CD109: variants seen among roughly 807,000 people sequenced by gnomAD.
CD109 encodes CD109 molecule.
A neutral mutation model predicts 165.8 loss-of-function variants in CD109; 149 were observed. The observed-to-expected ratio is 0.90, with a 90% CI of 0.79 to 1.03. The LOEUF (loss-of-function observed/expected upper bound fraction) is 1.03. Among genes scored for constraint, CD109 ranks in the 50% least tolerant of loss-of-function variants. CD109 has a pLI of 0.00. For synonymous variants in CD109, 585 were observed against 592.1 expected (o/e 0.99, Z 0.18); for missense variants, 1,712 against 1,677.8 (o/e 1.02, Z -0.36).
chr6:73,823,312 A>T, intron 32 of CD109, 146 bp from the exon 33 acceptor site: 4 of 639,670 alleles, frequency 6.3e-6, no homozygotes, highest in Non-Finnish European at 1.1e-5. Context: ...ACTCTTGGAC[A>T]TTTCAGTTGT....
chr6:73,781,457 G>GGAGA, intron 17 of CD109, 138 bp downstream of exon 17: 1 of 699,070 alleles, frequency 1.4e-6, no homozygotes, highest in Non-Finnish European at 2.4e-6. Flanking sequence ...AAAATGTTTG[G>GGAGA]AGTTTAATGT....
At chr6:73,766,694 G>C in intron 11 of CD109, 65 bp from the exon 12 acceptor site, 1 of 1,150,982 alleles carries the variant, frequency 8.7e-7, no homozygotes, top group Non-Finnish European at 1.3e-6. Context: ...TGTTCAGCAG[G>C]TAACATCTTT....
chr6:73,782,214 A>C (rs1296618051), intron 17 of CD109, among the ~76,000 whole-genome samples: 1 of 152,210 alleles, frequency 6.6e-6, no homozygotes. Flanking sequence ...ATAATTTTAT[A>C]GTCTTGAAGA....
chr6:73,820,444 C>T lies in CD109; in HGVS notation c.4060-17C>T, dbSNP rs947411759. The T allele has an allele frequency of 6.8e-7, 1 of 1,466,858 alleles. No individual in the cohort carries two copies. The highest frequency in any genetic ancestry group is 1.4e-5 in the African/African-American group (1 of 71,472). The allele number at this position is 1,466,858 out of a possible 1,614,324, so 90.9% of individuals were successfully genotyped here. On this transcript the variant is annotated splice_polypyrimidine_tract_variant and intron_variant, in intron 31 of 32. Transcript: ENST00000287097. Reference sequence around the variant, plus strand: ...CACAGTGTGCCAACCCCTTAAGACTCTTTTGTATTTCTCAAGGTAAATGAA... The same window carrying T: ...CACAGTGTGCCAACCCCTTAAGACTTTTTTGTATTTCTCAAGGTAAATGAA...
chr6:73,803,656 G>A (rs1046763122), intron 24 of CD109, among the ~76,000 whole-genome samples: 2 of 148,554 alleles, frequency 1.3e-5, no homozygotes, highest in Non-Finnish European at 3.0e-5. Context: ...ACTAATACAA[G>A]TGTTGTGTTA....
At chr6:73,713,687 A>G (rs918146832) in intron 2 of CD109, among the ~76,000 whole-genome samples, 2 of 152,162 alleles carry the variant, frequency 1.3e-5, no homozygotes, top group African/African-American at 4.8e-5. Context: ...AGAATTCCTC[A>G]AAGATTTGAC....
intron 30 of CD109, among the ~76,000 whole-genome samples, chr6:73,817,253 G>A (rs764785123): frequency 1.3e-5 from 2 of 152,070 alleles, no homozygotes; most frequent in African/African-American, 4.8e-5. Context: ...GATCAACCAA[G>A]GTACTTTTAA....
chr6:73,789,188 A>AG (rs1029056485), intron 22 of CD109, among the ~76,000 whole-genome samples: 2 of 152,330 alleles, frequency 1.3e-5, no homozygotes, highest in African/African-American at 4.8e-5. Flanking sequence ...ACTCCTCCCT[A>AG]GGGCAGTTCT....
At chr6:73,735,014 A>G (rs1772492419) in intron 4 of CD109, among the ~76,000 whole-genome samples, 1 of 152,220 alleles carries the variant, frequency 6.6e-6, no homozygotes, top group Non-Finnish European at 1.5e-5. Flanking sequence ...ATAGGAGGCA[A>G]GAAACTGAAA....
intron 22 of CD109, among the ~76,000 whole-genome samples, chr6:73,789,717 C>T (rs1314962767): frequency 2.3e-4 from 35 of 151,476 alleles, no homozygotes; most frequent in Non-Finnish European, 2.4e-4. Flanking sequence ...GCCTCGGCCT[C>T]CCAAAGTGCT....
In CD109 at chr6:73,745,089, C is replaced by T. The variant is rs547842690; in HGVS notation, c.633+8581C>T. On this transcript the variant is annotated intron_variant, in intron 5 of 32. Transcript: ENST00000287097. ...AAATTAAATTATTTAATATGTGCAG[C>T]AATTGCTGTTTTATTTATTTATTTA... Among the ~76,000 whole-genome samples the T allele has an allele frequency of 1.8e-3, 280 of 152,230 alleles. 1 individual carries two copies. The highest frequency in any genetic ancestry group is 6.4e-3 in the African/African-American group (267 of 41,546).
intron 28 of CD109, among the ~76,000 whole-genome samples, chr6:73,811,926 T>C (rs1325225204): frequency 1.3e-5 from 2 of 152,134 alleles, no homozygotes; most frequent in Non-Finnish European, 2.9e-5. Flanking sequence ...TTCTTGTCTT[T>C]TATGCTTCAG....
At chr6:73,781,716 C>T (rs1774506500) in intron 17 of CD109, among the ~76,000 whole-genome samples, 1 of 151,506 alleles carries the variant, frequency 6.6e-6, no homozygotes, top group Non-Finnish European at 1.5e-5. Flanking sequence ...TAGAAAATAG[C>T]CCAGATGCCA....
At chr6:73,773,926 TTCTA>T (rs1774142976) in intron 15 of CD109, among the ~76,000 whole-genome samples, 1 of 152,194 alleles carries the variant, frequency 6.6e-6, no homozygotes, top group Admixed American at 6.5e-5. Flanking sequence ...GTTTTATGTT[TTCTA>T]TCTCTTTGTC....
chr6:73,696,427 C>G, intron 1 of CD109, 138 bp downstream of exon 1: 1 of 636,072 alleles, frequency 1.6e-6, no homozygotes, highest in Non-Finnish European at 2.4e-6. Flanking sequence ...AGTCCCCAGC[C>G]TGGTACTGGC....
chr6:73,729,887 G>A (rs772327644), intron 3 of CD109, among the ~76,000 whole-genome samples: 3 of 152,112 alleles, frequency 2.0e-5, no homozygotes, highest in Non-Finnish European at 2.9e-5. Context: ...ACACATATGC[G>A]CAAGATGCAT....
At chr6:73,756,788 G>A (rs1430154233) in intron 6 of CD109, 106 bp downstream of exon 6, 1 of 752,830 alleles carries the variant, frequency 1.3e-6, no homozygotes, top group Non-Finnish European at 2.0e-6. Context: ...AATCTCAATG[G>A]AGTTAAAATT....
chr6:73,695,924 G>A (rs1401173484), upstream of CD109: 2 of 415,620 alleles, frequency 4.8e-6, no homozygotes, highest in Admixed American at 8.6e-5. Context: ...CGGCCAGCTG[G>A]GACGCCGGGC....
intron 24 of CD109, among the ~76,000 whole-genome samples, chr6:73,803,689 T>TGG (rs71542233): frequency 1.3e-5 from 2 of 149,412 alleles, no homozygotes; most frequent in Non-Finnish European, 3.0e-5. Context: ...TAGTTTAAGT[T>TGG]TGTGTGTGTG....
Sources: gnomAD v4.1 joint callset for allele counts (sites outside exome capture counted in the v4.1 genomes callset) on GRCh38, gnomAD v4.1.1 for gene constraint, MANE v1.5 for transcripts, NCBI Gene and HGNC (gene_info 2026-07-23, HGNC 2026-07-21) for gene names.